The following FNDC1 variants were observed in gnomAD, a reference collection of about 807,000 sequenced individuals.
FNDC1 encodes fibronectin type III domain containing 1.
A neutral mutation model predicts 168.0 loss-of-function variants in FNDC1; 96 were observed. The observed-to-expected ratio is 0.57, with a 90% CI of 0.48 to 0.68. FNDC1 has a LOEUF of 0.68. Ranked by LOEUF, FNDC1 falls within the 30% of genes least tolerant of loss-of-function variation. The pLI, the probability that FNDC1 is intolerant of heterozygous loss-of-function variation, is 0.00. For missense variants in FNDC1, 2,587 were observed against 2,482.1 expected, an observed-to-expected ratio of 1.04 and a Z score of -0.90; for synonymous variants, 1,099 against 1,025.9, an observed-to-expected ratio of 1.07 and a Z score of -1.36.
At position 159,256,559 on chromosome 6, in the gene FNDC1, T is replaced by A. The variant is rs1562310873; in HGVS notation, c.5102T>A (p.Ile1701Asn). ...TACAGTGCATCCTATGAAGACTTCA[T>A]CAGGAACAAGTGGTCCACTCAAGCT... The part of the protein sequence containing the change: ...LVYSASYEDF[I>N]RNKWSTQASS... Residue 1701 changes from isoleucine to asparagine, a missense_variant, in exon 18 of 23, where the codon ATC becomes AAC. Coordinates refer to ENST00000297267, the MANE Select transcript of FNDC1 (RefSeq NM_032532.3). 1.2e-6 allele frequency: 2 copies of A among 1,614,004 alleles called. No individual in the cohort carries two copies. The highest frequency in any genetic ancestry group is 8.5e-7 in the Non-Finnish European group (1 of 1,179,872).
At chr6:159,223,811 G>A (rs411814) in intron 7 of FNDC1, among the ~76,000 whole-genome samples, 166 bp downstream of exon 7, 58,443 of 152,040 alleles carry the variant, frequency 0.38, 14,383 homozygotes, top group East Asian at 0.73. Context: ...GTTAATCCCA[G>A]GTGTGCTCAC....
In FNDC1 at chr6:159,169,575, C is replaced by T; in HGVS notation, c.-22C>T. ...CCCCTGCCAGCCGCAAGCACCCAGC[C>T]CCGGCCCACCCCGGGCTCTCGATGG... On this transcript the variant is annotated 5_prime_UTR_variant, in exon 1 of 23. Coordinates refer to ENST00000297267, the MANE Select transcript of FNDC1 (RefSeq NM_032532.3). This position sits in a 1 kb window ranked among gnomAD's most constrained non-coding sequence, Gnocchi z 6.8. The T allele has an allele frequency of 1.0e-6, 1 of 999,604 alleles. No individual in the cohort carries two copies. Among genetic ancestry groups the T allele is most frequent in the Non-Finnish European group, 1.2e-6 (1 of 815,352 alleles). 61.9% of individuals were successfully genotyped at this position (999,604 alleles called of 1,614,324 possible).
intron 4 of FNDC1, among the ~76,000 whole-genome samples, chr6:159,204,788 G>A (rs552786683): frequency 1.3e-5 from 2 of 152,340 alleles, no homozygotes; most frequent in Admixed American, 6.5e-5. Context: ...CAGGTCCTCA[G>A]TGCTGCTTGG....
intron 1 of FNDC1, among the ~76,000 whole-genome samples, chr6:159,171,332 T>G (rs570345783): frequency 6.6e-6 from 1 of 152,180 alleles, no homozygotes; most frequent in Non-Finnish European, 1.5e-5. Flanking sequence ...AATTAAGTAA[T>G]AGAAGGATAG....
At chr6:159,184,693 G>C (rs1781956123) in intron 1 of FNDC1, among the ~76,000 whole-genome samples, 1 of 152,154 alleles carries the variant, frequency 6.6e-6, no homozygotes, top group Admixed American at 6.5e-5. Context: ...AACATAGTTA[G>C]ACAATGACTT....
intron 14 of FNDC1, among the ~76,000 whole-genome samples, chr6:159,241,450 T>G (rs1249909075): frequency 6.6e-6 from 1 of 152,218 alleles, no homozygotes; most frequent in Non-Finnish European, 1.5e-5. Flanking sequence ...TTGCCTCTTA[T>G]TTTCTTTGCA....
intron 17 of FNDC1, among the ~76,000 whole-genome samples, chr6:159,255,565 G>C (rs1032936748): frequency 6.6e-6 from 1 of 152,166 alleles, no homozygotes; most frequent in Non-Finnish European, 1.5e-5. Context: ...ATAATGTCTG[G>C]CAAATAGTAG....
intron 9 of FNDC1, among the ~76,000 whole-genome samples, chr6:159,226,855 C>T (rs746682634): frequency 2.0e-5 from 3 of 152,150 alleles, no homozygotes; most frequent in Non-Finnish European, 2.9e-5. Context: ...TAACCTTTTC[C>T]CATCTGAACA....
chr6:159,178,611 A>C (rs909777418), intron 1 of FNDC1, among the ~76,000 whole-genome samples: 2 of 152,056 alleles, frequency 1.3e-5, no homozygotes, highest in Admixed American at 6.6e-5. Context: ...CCCATTTTAT[A>C]ATTTTGTCAT....
intron 4 of FNDC1, among the ~76,000 whole-genome samples, chr6:159,214,571 T>G (rs1046554391): frequency 1.3e-5 from 2 of 152,198 alleles, no homozygotes; most frequent in East Asian, 3.8e-4. Flanking sequence ...ACATAATGTC[T>G]CTCTGCTATA....
At chr6:159,212,185 TG>T (rs1782619400) in intron 4 of FNDC1, among the ~76,000 whole-genome samples, 1 of 152,260 alleles carries the variant, frequency 6.6e-6, no homozygotes, top group African/African-American at 2.4e-5. Flanking sequence ...GCAATTCACC[TG>T]ATTACGTTGT....
chr6:159,269,285 TATCTATCCATCC>T lies in FNDC1; in HGVS notation c.5569+1363_5569+1374del, dbSNP rs1393072389. On this transcript the variant is annotated intron_variant, in intron 22 of 22. Transcript: ENST00000297267. ...CTATCTATCTATCTATCTATCTATC[TATCTATCCATCC>T]ATCCATCTATCCTATCTATTTATCT... Among the ~76,000 whole-genome samples, 34 of 47,080 alleles carry T rather than the reference TATCTATCCATCC, an allele frequency of 7.2e-4. 1 individual carries two copies. Among genetic ancestry groups the T allele is most frequent in the Non-Finnish European group, 2.2e-3 (28 of 12,514 alleles). The allele number at this position is 47,080 out of a possible 152,430, so 30.9% of individuals were successfully genotyped here. A position where few individuals can be genotyped will look rare whatever the true frequency, so the allele number is the denominator to read the frequency against.
At chr6:159,220,674 G>A (rs12194933) in intron 5 of FNDC1, among the ~76,000 whole-genome samples, 16,149 of 152,270 alleles carry the variant, frequency 0.11, 1,006 homozygotes, top group Non-Finnish European at 0.14. Flanking sequence ...GAGAGGACAA[G>A]TTTTGTTCCA....
chr6:159,222,545 A>G (rs973016198), intron 6 of FNDC1, among the ~76,000 whole-genome samples: 2 of 152,240 alleles, frequency 1.3e-5, no homozygotes, highest in Admixed American at 1.3e-4. Flanking sequence ...AACCCAAGAG[A>G]CTACAGAGTA....
rs189075998 is a variant in FNDC1, at chr6:159,188,658, G to A, written c.110-8773G>A. Among the ~76,000 whole-genome samples the A allele has an allele frequency of 5.1e-4, 77 of 151,946 alleles. 1 individual carries two copies. Among genetic ancestry groups the A allele is most frequent in the South Asian group, 1.7e-3 (8 of 4,806 alleles). On this transcript the variant is annotated intron_variant, in intron 1 of 22. Transcript: ENST00000297267. ...CTCCCAAAGTGCTGGGATTACAGGC[G>A]TGAGCCACTGCGCCCGGCCGCCTCA...
Position 159,169,619 on chromosome 6 carries a change from C to T in FNDC1, c.23C>T (p.Thr8Ile). The change falls in exon 1 of 23, where the codon ACC becomes ATC. Residue 8 changes from threonine to isoleucine, a missense_variant. Thr to Ile is a moderately conservative substitution (Grantham distance 89, BLOSUM62 -1). Transcript: ENST00000297267. The surrounding 1 kb of genome is among the most constrained non-coding windows in gnomAD (Gnocchi z 6.8). ...TCGATGGCCCCCGAGGCCGGGGCGA[C>T]CCTGCGCGCGCCGCGCCGGCTGTCC... MAPEAGA[T>I]LRAPRRLSWA... The T allele has an allele frequency of 1.1e-5, 12 of 1,135,460 alleles. No individual in the cohort carries two copies. Among genetic ancestry groups the T allele is most frequent in the Non-Finnish European group, 1.3e-5 (12 of 927,258 alleles). The allele number at this position is 1,135,460 out of a possible 1,614,324, so 70.3% of individuals were successfully genotyped here.
At chr6:159,202,394 A>T (rs1223582201) in intron 4 of FNDC1, among the ~76,000 whole-genome samples, 4 of 152,230 alleles carry the variant, frequency 2.6e-5, no homozygotes, top group Non-Finnish European at 5.9e-5. Flanking sequence ...GGAAAATATG[A>T]TCTGCTATTA....
At chr6:159,267,728 G>C in intron 21 of FNDC1, 76 bp from the exon 22 acceptor site, 1 of 1,535,356 alleles carries the variant, frequency 6.5e-7, no homozygotes, top group South Asian at 1.2e-5. Context: ...AGTCTCCAAA[G>C]CTTGTGCAAA....
chr6:159,264,918 G>T, intron 19 of FNDC1, 57 bp from the exon 20 acceptor site: 7 of 1,453,610 alleles, frequency 4.8e-6, no homozygotes, highest in South Asian at 2.5e-5. Context: ...ACCATTTAAA[G>T]AATTGCATGA....
Sources: allele counts gnomAD v4.1 joint callset (sites outside exome capture counted in the v4.1 genomes callset), GRCh38; gene constraint gnomAD v4.1.1; non-coding constraint Gnocchi (gnomAD v3.1); transcripts MANE v1.5; gene names NCBI Gene and HGNC (gene_info 2026-07-23, HGNC 2026-07-21).